The following C8orf34 variants were observed in gnomAD, a reference collection of about 807,000 sequenced individuals.
The protein encoded by C8orf34 is chromosome 8 open reading frame 34.
C8orf34 carries 65 observed loss-of-function variants against 68.3 expected under a neutral mutation model. That is an observed-to-expected ratio of 0.95 (90% CI 0.78 to 1.17). The LOEUF is 1.17. C8orf34 is among the 50% of genes most tolerant of loss of function. C8orf34 has a pLI of 0.00. For missense variants in C8orf34, 664 were observed against 655.4 expected (o/e 1.01, Z -0.14); for synonymous variants, 244 against 241.2 (o/e 1.01, Z -0.11).
chr8:68,612,918 A>G (rs1372938410), intron 7 of C8orf34, among the ~76,000 whole-genome samples: 3 of 152,162 alleles, frequency 2.0e-5, no homozygotes, highest in Admixed American at 1.3e-4. Context: ...TAAAATTCCC[A>G]TGCTTAGAAA....
chr8:68,564,640 T>C (rs1409446784), intron 7 of C8orf34, among the ~76,000 whole-genome samples: 1 of 152,170 alleles, frequency 6.6e-6, no homozygotes, highest in African/African-American at 2.4e-5. Flanking sequence ...ACCTCACTTG[T>C]CCTTCCTCCT....
rs376190126 is a variant in C8orf34, at chr8:68,608,849, G to A, written c.1106-31527G>A. On this transcript the variant is annotated intron_variant, in intron 7 of 13. Transcript: ENST00000518698. ...TTTCAACCCAAAATGTTAATAGTACGGATGAAGTGAAACAAGTGACTATAA... is the reference window on the plus strand; with the variant it reads ...TTTCAACCCAAAATGTTAATAGTACAGATGAAGTGAAACAAGTGACTATAA... 8.5e-5 allele frequency among the ~76,000 whole-genome samples: 13 copies of A among 152,112 alleles called. No individual in the cohort carries two copies. In the East Asian group the frequency reaches 9.7e-4, roughly 11 times the overall value.
chr8:68,623,102 G>A (rs899614248), intron 7 of C8orf34, among the ~76,000 whole-genome samples: 14 of 152,276 alleles, frequency 9.2e-5, no homozygotes, highest in Admixed American at 2.0e-4. Context: ...CCACATACTA[G>A]CTGTGTAACT....
At chr8:68,682,678 T>A (rs1243420190) in intron 8 of C8orf34, among the ~76,000 whole-genome samples, 1 of 152,166 alleles carries the variant, frequency 6.6e-6, no homozygotes, top group Non-Finnish European at 1.5e-5. Flanking sequence ...TAAAGTTATA[T>A]TTCAGAGTGA....
intron 1 of C8orf34, among the ~76,000 whole-genome samples, chr8:68,414,734 C>A (rs1408479781): frequency 6.6e-6 from 1 of 152,128 alleles, no homozygotes; most frequent in Non-Finnish European, 1.5e-5. Flanking sequence ...GCCTAACTAA[C>A]TCTGCTTGAG....
intron 3 of C8orf34, among the ~76,000 whole-genome samples, chr8:68,450,859 C>A (rs1177601308): frequency 6.6e-6 from 1 of 152,118 alleles, no homozygotes; most frequent in African/African-American, 2.4e-5. Flanking sequence ...AAGTCACCAG[C>A]TGCATTAGCC....
At chr8:68,805,747 ATGTAG>A (rs1224882703) in intron 12 of C8orf34, among the ~76,000 whole-genome samples, 1 of 152,168 alleles carries the variant, frequency 6.6e-6, no homozygotes, top group African/African-American at 2.4e-5. Context: ...CAAAAACAAC[ATGTAG>A]TTAGGCTATT....
chr8:68,451,600 T>C (rs1811347829), intron 3 of C8orf34, among the ~76,000 whole-genome samples: 1 of 152,060 alleles, frequency 6.6e-6, no homozygotes, highest in African/African-American at 2.4e-5. Context: ...GGTGAGGGAA[T>C]GGCTAGTCAG....
chr8:68,676,259 G>T (rs77355055), intron 8 of C8orf34, among the ~76,000 whole-genome samples: 3,045 of 152,166 alleles, frequency 0.02, 38 homozygotes, highest in Non-Finnish European at 0.031. Context: ...GCTTCAGCCA[G>T]GGAGGTTGAG....
At chr8:68,515,988 G>A (rs990243074) in intron 5 of C8orf34, among the ~76,000 whole-genome samples, 5 of 152,200 alleles carry the variant, frequency 3.3e-5, no homozygotes, top group Non-Finnish European at 5.9e-5. Flanking sequence ...AGATCAATGT[G>A]CATAGATGTT....
At chr8:68,412,719 A>T (rs1401389253) in intron 1 of C8orf34, among the ~76,000 whole-genome samples, 1 of 151,992 alleles carries the variant, frequency 6.6e-6, no homozygotes, top group African/African-American at 2.4e-5. Flanking sequence ...ACTGTTACCA[A>T]TAACTCTCTC....
intron 7 of C8orf34, among the ~76,000 whole-genome samples, chr8:68,588,343 A>AAAGC (rs2130405267): frequency 6.6e-6 from 1 of 152,306 alleles, no homozygotes; most frequent in South Asian, 2.1e-4. Flanking sequence ...CAGATAGTAT[A>AAAGC]AAGCATATAG....
chr8:68,569,413 C>T (rs1232540180), intron 7 of C8orf34, among the ~76,000 whole-genome samples: 1 of 152,178 alleles, frequency 6.6e-6, no homozygotes, highest in Non-Finnish European at 1.5e-5. Flanking sequence ...AACAGGAACC[C>T]ACAGAGACCA....
intron 8 of C8orf34, among the ~76,000 whole-genome samples, chr8:68,664,735 A>G (rs956378521): frequency 2.0e-5 from 3 of 152,150 alleles, no homozygotes; most frequent in Non-Finnish European, 4.4e-5. Flanking sequence ...ATCCACAGAG[A>G]GAACACCAGG....
chr8:68,794,476 A>AATATATATAT lies in C8orf34; in HGVS notation c.1549+6945_1549+6946insTATATATATA, dbSNP rs1563673874. On this transcript the variant is annotated intron_variant, in intron 12 of 13. Coordinates refer to ENST00000518698, the MANE Select transcript of C8orf34 (RefSeq NM_052958.4). ...CATGAATCATTGTGCCCAGTATATA[A>AATATATATAT]ATATAAATATATATATATATATATA... 5.4e-4 allele frequency among the ~76,000 whole-genome samples: 60 copies of AATATATATAT among 111,554 alleles called. 2 individuals are homozygous for AATATATATAT. The highest frequency in any genetic ancestry group is 2.7e-3 in the African/African-American group (56 of 21,016). The allele number at this position is 111,554 out of a possible 152,430, so 73.2% of individuals were successfully genotyped here. A position where few individuals can be genotyped will look rare whatever the true frequency, so the allele number is the denominator to read the frequency against.
intron 8 of C8orf34, among the ~76,000 whole-genome samples, chr8:68,680,459 T>A (rs925766435): frequency 7.2e-5 from 11 of 152,064 alleles, no homozygotes; most frequent in Admixed American, 6.5e-4. Flanking sequence ...GGGGGTGACA[T>A]CACATATTGG....
chr8:68,407,374 G>T (rs1269878694), intron 1 of C8orf34, among the ~76,000 whole-genome samples: 1 of 151,918 alleles, frequency 6.6e-6, no homozygotes, highest in African/African-American at 2.4e-5. Context: ...AGATAATTTT[G>T]CCTGCTCCCT....
At position 68,418,892 on chromosome 8, in the gene C8orf34, A is replaced by T. The variant is rs1279558307; in HGVS notation, c.328-20607A>T. On this transcript the variant is annotated intron_variant, in intron 1 of 13. Transcript: ENST00000518698. ...CCATAAAAACCCTAGAAGAAAACCTAGGCATTACCATTCAGGACATAGGCA... is the reference window on the plus strand; with the variant it reads ...CCATAAAAACCCTAGAAGAAAACCTTGGCATTACCATTCAGGACATAGGCA... 2.6e-5 allele frequency among the ~76,000 whole-genome samples: 4 copies of T among 151,514 alleles called. No individual in the cohort carries two copies. In the South Asian group the frequency reaches 8.4e-4, roughly 32 times the overall value.
chr8:68,750,440 G>T (rs901106891), intron 10 of C8orf34, among the ~76,000 whole-genome samples: 1 of 152,124 alleles, frequency 6.6e-6, no homozygotes, highest in African/African-American at 2.4e-5. Context: ...GGGTTTTCTA[G>T]GGGCCAGGGA....
Sources: allele counts gnomAD v4.1 joint callset (sites outside exome capture counted in the v4.1 genomes callset), GRCh38; gene constraint gnomAD v4.1.1; transcripts MANE v1.5; gene names NCBI Gene and HGNC (gene_info 2026-07-23, HGNC 2026-07-21).